The following PHF3 variants were observed in gnomAD, a reference collection of about 807,000 sequenced individuals.
The protein encoded by PHF3 is PHD finger protein 3.
Under a neutral mutation model 178.4 loss-of-function variants are expected in PHF3, and 41 were observed. That is an observed-to-expected ratio of 0.23 (90% CI 0.18 to 0.30). PHF3 has a LOEUF of 0.30. Among genes scored for constraint, PHF3 ranks in the 10% least tolerant of loss-of-function variants. The pLI is 1.00. For synonymous variants in PHF3, 842 were observed against 800.5 expected, an observed-to-expected ratio of 1.05 and a Z score of -0.88; for missense variants, 2,346 against 2,398.1, an observed-to-expected ratio of 0.98 and a Z score of 0.45.
At chr6:63,711,474 T>A in intron 15 of PHF3, 112 bp downstream of exon 15, 1 of 1,344,434 alleles carries the variant, frequency 7.4e-7, no homozygotes, top group Non-Finnish European at 1.0e-6. Context: ...TAGAGATGGC[T>A]TGACAGGGCC....
In PHF3 at chr6:63,720,439, G is replaced by A. The variant is rs1768327886; in HGVS notation, c.*6731G>A. 2 of 578,234 alleles carry A rather than the reference G, an allele frequency of 3.5e-6. 1 individual carries two copies. Among genetic ancestry groups the A allele is most frequent in the Non-Finnish European group, 5.7e-6 (2 of 348,146 alleles). 35.8% of individuals were successfully genotyped at this position (578,234 alleles called of 1,614,324 possible). On this transcript the variant is annotated 3_prime_UTR_variant, in exon 16 of 16. Transcript: ENST00000262043. ...GTAGGAAAAACAATCAGAACCTTCA[G>A]TGACATTTTACAATCTTATCAAAAA... is the stretch of plus-strand genomic sequence containing the variant.
rs1434233835 is a variant in PHF3, at chr6:63,706,235, C to G, written c.3563+11C>G. The G allele has an allele frequency of 3.1e-6, 5 of 1,597,786 alleles. No homozygotes were observed. Among genetic ancestry groups the G allele is most frequent in the Non-Finnish European group, 4.3e-6 (5 of 1,170,956 alleles). ...CTCTCCTGCTCCACGGTAATTTTCT[C>G]TGTTGTAAATTCTGTAATACTCATT... On this transcript the variant is annotated intron_variant, in intron 12 of 15. Transcript: ENST00000262043.
rs772920115 is a variant in PHF3 at position 63,711,229 on chromosome 6, C to T, written c.3864C>T (p.Leu1288=). 6.8e-6 allele frequency: 11 copies of T among 1,613,252 alleles called. No homozygotes were observed. Among genetic ancestry groups the T allele is most frequent in the African/African-American group, 1.3e-5 (1 of 74,994 alleles). The part of the protein sequence containing the change: ...TEEDQISYTL[L]FAYFSSRKRY... The stretch of plus-strand genomic sequence containing the variant: ...AAGATCAAATTTCTTATACTTTGCT[C>T]TTTGCATACTTCAGTAGCAGAAAGC... Residue 1288 remains leucine, a synonymous_variant, in exon 15 of 16, where the codon CTC becomes CTT. Coordinates refer to ENST00000262043, the MANE Select transcript of PHF3 (RefSeq NM_001370348.2).
Position 63,713,505 on chromosome 6 carries a change from C to T in PHF3, c.5917C>T (p.Arg1973Trp), listed in dbSNP as rs532496896. The part of the protein sequence containing the change: ...EEGHKDKERA[R>W]LSHGDRGTDG... ...AGGGCACAAAGATAAAGAGAGGGCA[C>T]GGTTATCACATGGTGATCGAGGAAC... The change falls in exon 16 of 16, where the codon CGG becomes TGG. Residue 1973 changes from arginine to tryptophan, a missense_variant. This residue lies in a region of PHF3 where 839 missense variants were observed against 806.9 expected (regional missense o/e 1.04). Coordinates refer to ENST00000262043, the MANE Select transcript of PHF3 (RefSeq NM_001370348.2). 14 of 1,613,412 alleles carry T rather than the reference C, an allele frequency of 8.7e-6. No homozygotes were observed. Among genetic ancestry groups the T allele is most frequent in the South Asian group, 2.2e-5 (2 of 91,034 alleles).
intron 13 of PHF3, 92 bp downstream of exon 13, chr6:63,706,968 G>A: frequency 9.3e-7 from 1 of 1,070,228 alleles, no homozygotes; most frequent in Non-Finnish European, 1.4e-6. Context: ...GTTAGTAATA[G>A]AAATATTTAT....
intron 2 of PHF3, among the ~76,000 whole-genome samples, chr6:63,665,996 T>A (rs899381023): frequency 6.6e-6 from 1 of 152,188 alleles, no homozygotes; most frequent in Non-Finnish European, 1.5e-5. Flanking sequence ...AGGATACTAG[T>A]GGCAATCTGA....
In PHF3 at chr6:63,722,187, T is replaced by C. The variant is rs1768425406; in HGVS notation, c.*8479T>C. Among the ~76,000 whole-genome samples the C allele has an allele frequency of 1.3e-5, 2 of 152,144 alleles. No homozygotes were observed. Among genetic ancestry groups the C allele is most frequent in the African/African-American group, 4.8e-5 (2 of 41,444 alleles). ...TGGCTCCTTTCCTGTCTCTCCAACC[T>C]TACCTGGAATGTTCTCTTTCCCCAT... On this transcript the variant is annotated 3_prime_UTR_variant, in exon 16 of 16. Coordinates refer to ENST00000262043, the MANE Select transcript of PHF3 (RefSeq NM_001370348.2).
At chr6:63,656,234 A>G (rs528137773) in intron 2 of PHF3, among the ~76,000 whole-genome samples, 1 of 152,366 alleles carries the variant, frequency 6.6e-6, no homozygotes, top group East Asian at 1.9e-4. Flanking sequence ...AGCTTGACAT[A>G]ATATAAAACT....
chr6:63,712,477 G>A lies in PHF3; in HGVS notation c.4889G>A (p.Ser1630Asn). ...VGKGNIDGNV[S>N]CSENLVANTA... ...AAAGGAAACATAGATGGTAATGTGAGCTGTAGTGAAAACCTTGTTGCTAAT... is the reference window on the plus strand; with the variant it reads ...AAAGGAAACATAGATGGTAATGTGAACTGTAGTGAAAACCTTGTTGCTAAT... Residue 1630 changes from serine to asparagine, a missense_variant, in exon 16 of 16, where the codon AGC (serine) becomes AAC (asparagine). Physicochemically the swap from Ser to Asn is conservative, Grantham distance 46. Transcript: ENST00000262043. 1 of 1,613,972 alleles carries A rather than the reference G, an allele frequency of 6.2e-7. No individual in the cohort carries two copies. Among genetic ancestry groups the A allele is most frequent in the Middle Eastern group, 1.6e-4 (1 of 6,062 alleles).
chr6:63,656,091 T>A (rs1399020035), intron 2 of PHF3, among the ~76,000 whole-genome samples: 1 of 152,130 alleles, frequency 6.6e-6, no homozygotes, highest in African/African-American at 2.4e-5. Flanking sequence ...AGTATCACTT[T>A]ATAAATTCAG....
intron 2 of PHF3, among the ~76,000 whole-genome samples, chr6:63,672,205 G>A (rs959207458): frequency 1.3e-5 from 2 of 152,122 alleles, no homozygotes; most frequent in Admixed American, 6.5e-5. Context: ...AATGAACTAT[G>A]AGACAATAAC....
At position 63,693,318 on chromosome 6, in the gene PHF3, A is replaced by G. The variant is rs76852977; in HGVS notation, c.2497-1263A>G. On this transcript the variant is annotated intron_variant, in intron 5 of 15. Coordinates refer to ENST00000262043, the MANE Select transcript of PHF3 (RefSeq NM_001370348.2). Reference sequence around the variant, plus strand: ...TAGCTGAGTTGTCTCTGTCTTGCTTAAAAAGACATCATAAAGGCTGAGTGC... The same window carrying G: ...TAGCTGAGTTGTCTCTGTCTTGCTTGAAAAGACATCATAAAGGCTGAGTGC... Among the ~76,000 whole-genome samples, 292 of 152,318 alleles carry G rather than the reference A, an allele frequency of 1.9e-3. 1 individual carries two copies. The highest frequency in any genetic ancestry group is 5.5e-3 in the African/African-American group (228 of 41,552).
chr6:63,659,526 T>C (rs899371696), intron 2 of PHF3, among the ~76,000 whole-genome samples: 2 of 152,188 alleles, frequency 1.3e-5, no homozygotes, highest in African/African-American at 4.8e-5. Context: ...ATGTACCAAA[T>C]ACTGTGCAAA....
At chr6:63,670,019 A>G (rs1206638441) in intron 2 of PHF3, among the ~76,000 whole-genome samples, 1 of 152,008 alleles carries the variant, frequency 6.6e-6, no homozygotes, top group Non-Finnish European at 1.5e-5. Flanking sequence ...TCTTTAATAT[A>G]CTTGATGAAA....
intron 14 of PHF3, among the ~76,000 whole-genome samples, chr6:63,710,112 A>G (rs1034281241): frequency 1.3e-5 from 2 of 152,202 alleles, no homozygotes; most frequent in Non-Finnish European, 2.9e-5. Context: ...ATGATCCAAA[A>G]TGGATAATCT....
In PHF3 at chr6:63,646,663, C is replaced by CA; in HGVS notation, c.116dup (p.Asn39LysfsTer14). 1 of 1,613,840 alleles carries CA rather than the reference C, an allele frequency of 6.2e-7. No individual in the cohort carries two copies. The highest frequency in any genetic ancestry group is 8.5e-7 in the Non-Finnish European group (1 of 1,179,936). On this transcript the variant is annotated frameshift_variant, in exon 2 of 16. Transcript: ENST00000262043. LOFTEE classifies it high-confidence loss of function. ...AGTCTGTGAGGATTTTAGTGCAAGTCAAAATGTCTTAGAGGACTCGCTGAA... is the reference window on the plus strand; with the variant it reads ...AGTCTGTGAGGATTTTAGTGCAAGTCAAAAATGTCTTAGAGGACTCGCTGAA...
At chr6:63,641,588 A>G (rs372859980) in intron 1 of PHF3, among the ~76,000 whole-genome samples, 1 of 151,340 alleles carries the variant, frequency 6.6e-6, no homozygotes, top group East Asian at 1.9e-4. Context: ...ATAATAGGAT[A>G]GAATTCATAG....
intron 4 of PHF3, among the ~76,000 whole-genome samples, chr6:63,690,578 T>C (rs1410175988): frequency 6.6e-6 from 1 of 152,166 alleles, no homozygotes; most frequent in Non-Finnish European, 1.5e-5. Flanking sequence ...CTCTCTTGGA[T>C]TACAGCTTTT....
At chr6:63,704,888 C>T (rs529479616) in intron 11 of PHF3, among the ~76,000 whole-genome samples, 136 of 152,196 alleles carry the variant, frequency 8.9e-4, no homozygotes, top group African/African-American at 3.1e-3. Flanking sequence ...TTTGCCTTCC[C>T]GCCAGCAATG....
Sources: gnomAD v4.1 joint callset for allele counts (sites outside exome capture counted in the v4.1 genomes callset) on GRCh38, gnomAD v4.1.1 for gene constraint, gnomAD v4.1.1 regional missense constraint, MANE v1.5 for transcripts, NCBI Gene and HGNC (gene_info 2026-07-23, HGNC 2026-07-21) for gene names.